Variants in TEX14 observed in about 807,000 individuals in gnomAD.
The protein encoded by TEX14 is testis expressed 14, intercellular bridge forming factor, also known as inactive serine/threonine-protein kinase TEX14.
In TEX14, 168 loss-of-function variants were observed where a neutral mutation model predicts 178.6. The observed-to-expected ratio is 0.94, with a 90% CI of 0.83 to 1.07. The LOEUF (loss-of-function observed/expected upper bound fraction) is 1.07. Among genes scored for constraint, TEX14 ranks in the 50% least tolerant of loss-of-function variants. TEX14 has a pLI of 0.00. For synonymous variants in TEX14, 626 were observed against 634.1 expected, an observed-to-expected ratio of 0.99 and a Z score of 0.19; for missense variants, 1,730 against 1,753.6, an observed-to-expected ratio of 0.99 and a Z score of 0.24.
At chr17:58,599,765 A>AT in intron 13 of TEX14, 99 bp from the exon 14 acceptor site, 1 of 1,018,818 alleles carries the variant, frequency 9.8e-7, no homozygotes, top group Non-Finnish European at 1.4e-6. Flanking sequence ...TCAAAAAAAA[A>AT]AAAAAAGTTT....
In TEX14 at chr17:58,601,937, C is replaced by A; in HGVS notation, c.1547G>T (p.Arg516Ile). 2 of 1,613,124 alleles carry A rather than the reference C, an allele frequency of 1.2e-6. No homozygotes were observed. The highest frequency in any genetic ancestry group is 2.2e-5 in the East Asian group (1 of 44,880). ...NDLKDFTGAQ[R>I]TQPTESPRVQ... ...TCTGGGGCTCTCGGTTGGTTGAGTT[C>A]TCTGGGCTCCAGTAAAATCCTGTAA... Residue 516 changes from arginine to isoleucine, a missense_variant, in exon 13 of 32, where the codon AGA becomes ATA. Arg to Ile is a moderately conservative substitution (Grantham distance 97, BLOSUM62 -3). Transcript: ENST00000349033.
chr17:58,651,783 T>C, intron 2 of TEX14, 83 bp downstream of exon 2: 1 of 1,330,306 alleles, frequency 7.5e-7, no homozygotes, highest in Non-Finnish European at 1.0e-6. Flanking sequence ...GACTCATTCA[T>C]ACCTTTATGA....
intron 2 of TEX14, among the ~76,000 whole-genome samples, chr17:58,645,120 G>A (rs535839998): frequency 1.3e-5 from 2 of 151,294 alleles, no homozygotes; most frequent in East Asian, 3.9e-4. Flanking sequence ...AGAGTAGCTA[G>A]GACTACAGGC....
chr17:58,588,220 T>C (rs960099680), intron 15 of TEX14, among the ~76,000 whole-genome samples, 199 bp from the exon 16 acceptor site: 6 of 152,142 alleles, frequency 3.9e-5, no homozygotes, highest in African/African-American at 1.4e-4. Context: ...CAGGTGATGG[T>C]TCAGGTGAGG....
chr17:58,588,045 A>C, intron 15 of TEX14, 24 bp from the exon 16 acceptor site: 1 of 866,134 alleles, frequency 1.2e-6, no homozygotes, highest in African/African-American at 1.7e-5. Context: ...GGACTGAGCT[A>C]TAAGATCTCT....
In TEX14 at chr17:58,572,131, T is replaced by C. The variant is rs1425943292; in HGVS notation, c.3512-5A>G. Reference sequence around the variant, plus strand: ...TGGCAGCTGAAGAAACGGACCCTGTTGGAGAAAAGCGGAAGGTTACTGTCT... The same window carrying C: ...TGGCAGCTGAAGAAACGGACCCTGTCGGAGAAAAGCGGAAGGTTACTGTCT... On this transcript the variant is annotated splice_region_variant and splice_polypyrimidine_tract_variant and intron_variant, in intron 23 of 31. Transcript: ENST00000349033. The C allele has an allele frequency of 3.8e-6, 6 of 1,599,324 alleles. No homozygotes were observed. The highest frequency in any genetic ancestry group is 5.1e-6 in the Non-Finnish European group (6 of 1,167,956).
chr17:58,677,418 A>G (rs2047412784), intron 1 of TEX14, among the ~76,000 whole-genome samples: 1 of 152,216 alleles, frequency 6.6e-6, no homozygotes. Flanking sequence ...AAGAAAAAAC[A>G]CCAAGGAAGC....
Position 58,582,819 on chromosome 17 carries a change from C to T in TEX14, c.3171+1681G>A, listed in dbSNP as rs8071896. Among the ~76,000 whole-genome samples the T allele has an allele frequency of 9.2e-3, 1,402 of 152,132 alleles. 25 individuals are homozygous for T. The highest frequency in any genetic ancestry group is 0.031 in the African/African-American group (1,298 of 41,494). On this transcript the variant is annotated intron_variant, in intron 19 of 31. Coordinates refer to ENST00000349033, the MANE Select transcript of TEX14 (RefSeq NM_031272.5). The stretch of plus-strand genomic sequence containing the variant: ...CCTCAAGTGATCCTCCCACCTCGGC[C>T]TCCCAAAGTGCTGGGATTATAGGTG...
At chr17:58,620,183 G>T (rs1010086294) in intron 5 of TEX14, among the ~76,000 whole-genome samples, 1 of 152,202 alleles carries the variant, frequency 6.6e-6, no homozygotes, top group Admixed American at 6.5e-5. Context: ...AGGGGCAGAG[G>T]CAGGAGATGA....
intron 24 of TEX14, 131 bp from the exon 25 acceptor site, chr17:58,570,615 CCTTTT>C (rs2044500224): frequency 2.1e-5 from 7 of 329,010 alleles, no homozygotes; most frequent in Admixed American, 1.8e-4. Flanking sequence ...TGGGAAGCCT[CCTTTT>C]TTTTTTTTTT....
chr17:58,633,548 G>A (rs1005352808), intron 2 of TEX14, among the ~76,000 whole-genome samples: 1 of 152,192 alleles, frequency 6.6e-6, no homozygotes, highest in Non-Finnish European at 1.5e-5. Flanking sequence ...GGTAAGCTAG[G>A]GCTGGGGATG....
rs562698027 is a variant in TEX14 at position 58,650,175 on chromosome 17, A to C, written c.136+1691T>G. Among the ~76,000 whole-genome samples the C allele has an allele frequency of 9.2e-5, 14 of 151,882 alleles. No homozygotes were observed. The East Asian group carries it at 2.7e-3, about 29-fold the overall frequency. On this transcript the variant is annotated intron_variant, in intron 2 of 31. Transcript: ENST00000349033. ...TGAGTTCAAGCGATTCTCCTGCCTC[A>C]GCCTCCCAAGTAGCTGGGATTACAG...
chr17:58,590,698 G>GT (rs762750574), intron 15 of TEX14, among the ~76,000 whole-genome samples: 9 of 151,944 alleles, frequency 5.9e-5, no homozygotes, highest in Non-Finnish European at 1.0e-4. Flanking sequence ...GAGGGTGTGG[G>GT]TCTACAGCCG....
At chr17:58,591,984 A>G (rs1237506058) in intron 15 of TEX14, among the ~76,000 whole-genome samples, 1 of 151,678 alleles carries the variant, frequency 6.6e-6, no homozygotes, top group Admixed American at 6.6e-5. Context: ...GCTTGAACCC[A>G]GGAGGTGGAG....
chr17:58,597,624 G>A (rs1239999907), intron 14 of TEX14, among the ~76,000 whole-genome samples: 1 of 152,082 alleles, frequency 6.6e-6, no homozygotes, highest in South Asian at 2.1e-4. Flanking sequence ...CACTGGGCTT[G>A]AGCTTCACAC....
At chr17:58,677,412 A>G (rs968610394) in intron 1 of TEX14, among the ~76,000 whole-genome samples, 1 of 152,332 alleles carries the variant, frequency 6.6e-6, no homozygotes, top group African/African-American at 2.4e-5. Context: ...ACAGCCAAGA[A>G]AAAACACCAA....
intron 1 of TEX14, chr17:58,659,396 C>A: frequency 1.2e-6 from 1 of 866,900 alleles, no homozygotes; most frequent in Non-Finnish European, 1.4e-6. Context: ...TTAGGCATCG[C>A]TTCGAAACTA....
chr17:58,617,762 C>A, intron 5 of TEX14, 143 bp from the exon 6 acceptor site: 1 of 598,262 alleles, frequency 1.7e-6, no homozygotes, highest in African/African-American at 1.9e-5. Context: ...GATGATGTAA[C>A]AGCCAGCCTC....
At chr17:58,560,138 T>C (rs1178645233) in intron 29 of TEX14, among the ~76,000 whole-genome samples, 2 of 152,164 alleles carry the variant, frequency 1.3e-5, no homozygotes, top group Non-Finnish European at 2.9e-5. Flanking sequence ...ATCTTATCCC[T>C]CTTTGTGGTA....
Sources: gnomAD v4.1 joint callset for allele counts (sites outside exome capture counted in the v4.1 genomes callset) on GRCh38, gnomAD v4.1.1 for gene constraint, MANE v1.5 for transcripts, NCBI Gene and HGNC (gene_info 2026-07-23, HGNC 2026-07-21) for gene names.